Variants in CUBN observed in about 807,000 individuals in gnomAD.
CUBN encodes cubilin.
CUBN carries 282 observed loss-of-function variants against 405.3 expected under a neutral mutation model. That is an observed-to-expected ratio of 0.70 (90% CI 0.63 to 0.77). The LOEUF (loss-of-function observed/expected upper bound fraction) is 0.77. CUBN is among the 30% of genes least tolerant of loss of function. CUBN has a pLI of 0.00. For synonymous variants in CUBN, 1,684 were observed against 1,617.0 expected, an observed-to-expected ratio of 1.04 and a Z score of -0.99; for missense variants, 4,514 against 4,475.2, an observed-to-expected ratio of 1.01 and a Z score of -0.25.
At chr10:17,038,634 C>T (rs10904865) in intron 27 of CUBN, among the ~76,000 whole-genome samples, 142,364 of 152,238 alleles carry the variant, frequency 0.94, 66,605 homozygotes, top group African/African-American at 0.97. Context: ...GGGAAGTCAG[C>T]TGAAAAAACC....
rs775573918 is a variant in CUBN, at chr10:17,087,472, C to CTTTTTTTTTTTTTT, written c.1947+678_1947+691dup. On this transcript the variant is annotated intron_variant, in intron 15 of 66. Coordinates refer to ENST00000377833, the MANE Select transcript of CUBN (RefSeq NM_001081.4). Reference sequence around the variant, plus strand: ...CACAATCACTATTATTTTTCTTTTTCTTTTTTTTTTTTTTTTTTTTTTAGA... The same window carrying CTTTTTTTTTTTTTT: ...CACAATCACTATTATTTTTCTTTTTCTTTTTTTTTTTTTTTTTTTTTTTTTTTTTTTTTTTTAGA... Among the ~76,000 whole-genome samples the CTTTTTTTTTTTTTT allele has an allele frequency of 6.0e-3, 430 of 71,664 alleles. 15 individuals are homozygous for CTTTTTTTTTTTTTT. Among genetic ancestry groups the CTTTTTTTTTTTTTT allele is most frequent in the Non-Finnish European group, 6.4e-3 (242 of 37,740 alleles). 47.0% of individuals were successfully genotyped at this position (71,664 alleles called of 152,430 possible). A position where few individuals can be genotyped will look rare whatever the true frequency, so the allele number is the denominator to read the frequency against.
At chr10:16,867,667 C>T (rs1378891056) in intron 59 of CUBN, among the ~76,000 whole-genome samples, 1 of 152,202 alleles carries the variant, frequency 6.6e-6, no homozygotes, top group Non-Finnish European at 1.5e-5. Context: ...TCCGTTTCTA[C>T]ATTCTCCACT....
intron 29 of CUBN, among the ~76,000 whole-genome samples, chr10:16,988,673 G>A (rs1327897358): frequency 2.0e-5 from 3 of 152,114 alleles, no homozygotes; most frequent in Non-Finnish European, 4.4e-5. Flanking sequence ...TTCAAGGTAA[G>A]AACTTGTTTT....
rs767742834 is a variant in CUBN at position 16,900,855 on chromosome 10, A to C, written c.8185-5T>G. 1.3e-6 allele frequency: 2 copies of C among 1,598,976 alleles called. No individual in the cohort carries two copies. Among genetic ancestry groups the C allele is most frequent in the Non-Finnish European group, 8.6e-7 (1 of 1,168,238 alleles). ...ATCAAAGTCACTAAATGTGAGCTGC[A>C]GGAGAAAAAAGAAAATGGTTGTCAG... On this transcript the variant is annotated splice_polypyrimidine_tract_variant and splice_region_variant and intron_variant, in intron 52 of 66. Transcript: ENST00000377833.
At chr10:16,942,724 G>C (rs1842682575) in intron 36 of CUBN, among the ~76,000 whole-genome samples, 2 of 151,268 alleles carry the variant, frequency 1.3e-5, no homozygotes, top group South Asian at 4.2e-4. Context: ...TTCACTTCTA[G>C]GTTTATACCC....
chr10:16,941,029 T>C (rs538099407), intron 36 of CUBN, among the ~76,000 whole-genome samples: 110 of 152,324 alleles, frequency 7.2e-4, no homozygotes, highest in Non-Finnish European at 1.2e-3. Flanking sequence ...ATCTACCTCA[T>C]ATGATGTTCA....
chr10:17,109,510 A>G, intron 10 of CUBN, 130 bp downstream of exon 10: 3 of 743,958 alleles, frequency 4.0e-6, no homozygotes, highest in East Asian at 2.7e-5. Context: ...GTTTTATGGC[A>G]TGGATTAATT....
Position 17,115,467 on chromosome 10 carries a change from C to T in CUBN, c.720+4G>A, listed in dbSNP as rs1588652926. On this transcript the variant is annotated splice_donor_region_variant and intron_variant, in intron 7 of 66. Coordinates refer to ENST00000377833, the MANE Select transcript of CUBN (RefSeq NM_001081.4). ...AAGGAGGCACATTTGGGGAAGGGACCCACCTCTCCAGCTTGCTCTCGCATT... is the reference window on the plus strand; with the variant it reads ...AAGGAGGCACATTTGGGGAAGGGACTCACCTCTCCAGCTTGCTCTCGCATT... 1 of 1,613,704 alleles carries T rather than the reference C, an allele frequency of 6.2e-7. No individual in the cohort carries two copies. The highest frequency in any genetic ancestry group is 1.3e-5 in the African/African-American group (1 of 74,978).
chr10:16,906,315 T>C lies in CUBN; in HGVS notation c.7800A>G (p.Glu2600=), dbSNP rs761298061. The C allele has an allele frequency of 1.9e-6, 3 of 1,613,902 alleles. No homozygotes were observed. The Admixed American group carries it at 5.0e-5, about 27-fold the overall frequency. The part of the protein sequence containing the change: ...VRNYSRNLNC[E]WTLSNPNQGN... ...CCTGATTTGGATTGCTGAGAGTCCA[T>C]TCGCAGTTCAGGTTTCTTGAGTAAT... is the stretch of plus-strand genomic sequence containing the variant. The change falls in exon 50 of 67, where the codon GAA becomes GAG. Residue 2600 remains glutamate, a synonymous_variant. Transcript: ENST00000377833.
At chr10:16,995,293 G>A (rs1484448927) in intron 28 of CUBN, among the ~76,000 whole-genome samples, 1 of 152,126 alleles carries the variant, frequency 6.6e-6, no homozygotes, top group Non-Finnish European at 1.5e-5. Context: ...GAGGAAGCAT[G>A]GGCTGTAGTT....
chr10:16,934,976 C>G (rs1055991150), intron 39 of CUBN, among the ~76,000 whole-genome samples: 2 of 152,298 alleles, frequency 1.3e-5, no homozygotes, highest in Middle Eastern at 3.4e-3. Flanking sequence ...GACACACTGA[C>G]TGCTTTTCCT....
rs147107924 is a variant in CUBN at position 17,111,903 on chromosome 10, G to A, written c.884-853C>T. ...TGCACCACTGCACTCCAGCCTGGGCGAGACTTTGTCTCAAAAACAAAAACA... is the reference window on the plus strand; with the variant it reads ...TGCACCACTGCACTCCAGCCTGGGCAAGACTTTGTCTCAAAAACAAAAACA... On this transcript the variant is annotated intron_variant, in intron 8 of 66. Transcript: ENST00000377833. Among the ~76,000 whole-genome samples, 365 of 152,274 alleles carry A rather than the reference G, an allele frequency of 2.4e-3. 3 individuals are homozygous for A. Among genetic ancestry groups the A allele is most frequent in the African/African-American group, 8.0e-3 (331 of 41,550 alleles).
At chr10:17,005,338 T>A (rs1484626459) in intron 28 of CUBN, among the ~76,000 whole-genome samples, 1 of 152,216 alleles carries the variant, frequency 6.6e-6, no homozygotes, top group Non-Finnish European at 1.5e-5. Flanking sequence ...ACCACAAGTA[T>A]ATTGCATATC....
At chr10:17,002,386 A>T (rs1833917329) in intron 28 of CUBN, among the ~76,000 whole-genome samples, 1 of 152,228 alleles carries the variant, frequency 6.6e-6, no homozygotes, top group Non-Finnish European at 1.5e-5. Flanking sequence ...TCTTTGGCCC[A>T]GATCTCAAGG....
chr10:16,843,521 CGA>C (rs142348199), intron 60 of CUBN, among the ~76,000 whole-genome samples: 2,406 of 152,272 alleles, frequency 0.016, 81 homozygotes, highest in African/African-American at 0.054. Flanking sequence ...AGATGAAACT[CGA>C]GTTTTCTAAT....
At chr10:16,955,088 T>C (rs980668176) in intron 31 of CUBN, among the ~76,000 whole-genome samples, 8 of 152,188 alleles carry the variant, frequency 5.3e-5, no homozygotes, top group Admixed American at 5.2e-4. Context: ...TCTCTCTTTT[T>C]GCCCGTGCAT....
chr10:17,031,781 A>C (rs1396572741), intron 27 of CUBN, among the ~76,000 whole-genome samples: 1 of 152,228 alleles, frequency 6.6e-6, no homozygotes, highest in Admixed American at 6.5e-5. Flanking sequence ...GTTTACCTTT[A>C]AACCAAGCAA....
chr10:16,926,809 TTCTA>T (rs72523233), intron 41 of CUBN, among the ~76,000 whole-genome samples: 67 of 41,702 alleles, frequency 1.6e-3, no homozygotes, highest in Admixed American at 2.7e-3. Flanking sequence ...AAATTTTTTT[TTCTA>T]TCTATCTATC....
rs190618257 is a variant in CUBN, at chr10:16,881,075, A to T, written c.8906-3978T>A. 2.0e-5 allele frequency among the ~76,000 whole-genome samples: 3 copies of T among 152,384 alleles called. No individual in the cohort carries two copies. In the East Asian group the frequency reaches 5.8e-4, roughly 29 times the overall value. On this transcript the variant is annotated intron_variant, in intron 56 of 66. Coordinates refer to ENST00000377833, the MANE Select transcript of CUBN (RefSeq NM_001081.4). ...ACTGGAATTTTAAAAAATTCAAAGT[A>T]GATGAGTTTGAGAATAAAAAAATTG...
Sources: allele counts gnomAD v4.1 joint callset (sites outside exome capture counted in the v4.1 genomes callset), GRCh38; gene constraint gnomAD v4.1.1; transcripts MANE v1.5; gene names NCBI Gene and HGNC (gene_info 2026-07-23, HGNC 2026-07-21).